The following MYO3A variants were observed in gnomAD, a reference collection of about 807,000 sequenced individuals.
MYO3A encodes myosin-IIIa.
MYO3A carries 180 observed loss-of-function variants against 192.7 expected under a neutral mutation model. The ratio of observed to expected loss-of-function variants is 0.93; its 90% confidence interval spans 0.83 to 1.06. The LOEUF (loss-of-function observed/expected upper bound fraction) is 1.06, where lower values mean the gene tolerates loss of function less well. MYO3A is among the 50% of genes least tolerant of loss of function. The pLI, the probability that MYO3A is intolerant of heterozygous loss-of-function variation, is 0.00. For synonymous variants in MYO3A, 628 were observed against 645.3 expected, an observed-to-expected ratio of 0.97 and a Z score of 0.41; for missense variants, 1,896 against 1,905.0, an observed-to-expected ratio of 1.00 and a Z score of 0.09.
intron 20 of MYO3A, among the ~76,000 whole-genome samples, chr10:26,131,322 A>T (rs535930282): frequency 2.1e-5 from 3 of 145,632 alleles, no homozygotes; most frequent in African/African-American, 7.6e-5. Flanking sequence ...CCTTCCATTA[A>T]AAAAAGATCA....
At chr10:26,189,660 T>G (rs1209693668) in intron 31 of MYO3A, among the ~76,000 whole-genome samples, 1 of 152,196 alleles carries the variant, frequency 6.6e-6, no homozygotes, top group East Asian at 1.9e-4. Context: ...CTGAAATTGC[T>G]AAGATTGTAA....
At chr10:26,012,571 C>T (rs1031650336) in intron 6 of MYO3A, among the ~76,000 whole-genome samples, 4 of 152,108 alleles carry the variant, frequency 2.6e-5, no homozygotes, top group African/African-American at 9.7e-5. Flanking sequence ...CTACAAAACA[C>T]TGCCAAAAGA....
chr10:25,964,071 A>G (rs1838110846), intron 4 of MYO3A, among the ~76,000 whole-genome samples: 1 of 152,112 alleles, frequency 6.6e-6, no homozygotes, highest in Non-Finnish European at 1.5e-5. Context: ...CTGTTATCAT[A>G]GATTTATTGT....
intron 4 of MYO3A, among the ~76,000 whole-genome samples, chr10:25,987,113 G>C (rs1839701539): frequency 6.6e-6 from 1 of 152,112 alleles, no homozygotes; most frequent in African/African-American, 2.4e-5. Context: ...AGTGGGGAAA[G>C]GATACTCTAT....
At chr10:26,173,559 C>A in intron 29 of MYO3A, 104 bp from the exon 30 acceptor site, 1 of 1,032,692 alleles carries the variant, frequency 9.7e-7, no homozygotes, top group Non-Finnish European at 1.4e-6. Flanking sequence ...TTTCTTTGTT[C>A]CTTTTGCCTT....
At chr10:25,985,019 C>A (rs1341656627) in intron 4 of MYO3A, among the ~76,000 whole-genome samples, 6 of 152,094 alleles carry the variant, frequency 3.9e-5, no homozygotes, top group African/African-American at 1.4e-4. Context: ...AGGCAGATTG[C>A]CTGAGCTCAG....
intron 1 of MYO3A, among the ~76,000 whole-genome samples, chr10:25,935,332 A>C (rs1358827410): frequency 6.6e-6 from 1 of 152,126 alleles, no homozygotes; most frequent in Non-Finnish European, 1.5e-5. Flanking sequence ...CCAGAAAAAA[A>C]ATTTTATTAT....
chr10:26,107,951 T>A (rs1365403931), intron 17 of MYO3A, among the ~76,000 whole-genome samples: 1 of 152,186 alleles, frequency 6.6e-6, no homozygotes, highest in Non-Finnish European at 1.5e-5. Flanking sequence ...TCTTTTTTTT[T>A]AAGAGAATAC....
At chr10:26,091,647 A>T (rs1430913138) in intron 15 of MYO3A, among the ~76,000 whole-genome samples, 1 of 152,236 alleles carries the variant, frequency 6.6e-6, no homozygotes. Context: ...CAATTACTCT[A>T]TGTCAGGCAC....
At chr10:26,087,262 A>G (rs1836393686) in intron 14 of MYO3A, among the ~76,000 whole-genome samples, 2 of 152,120 alleles carry the variant, frequency 1.3e-5, no homozygotes, top group South Asian at 4.1e-4. Flanking sequence ...TCCACACCTT[A>G]TTGCCTCTTT....
At chr10:26,009,322 A>G (rs562059555) in intron 6 of MYO3A, among the ~76,000 whole-genome samples, 1 of 152,202 alleles carries the variant, frequency 6.6e-6, no homozygotes, top group Non-Finnish European at 1.5e-5. Flanking sequence ...AGCATGGCAC[A>G]TGTATACATA....
chr10:26,189,019 G>A (rs1228850498), intron 31 of MYO3A, among the ~76,000 whole-genome samples: 2 of 150,408 alleles, frequency 1.3e-5, no homozygotes, highest in South Asian at 2.2e-4. Context: ...TTCCAATTCT[G>A]TGAAGAAAGT....
At chr10:26,070,755 A>G (rs1835154027) in intron 14 of MYO3A, among the ~76,000 whole-genome samples, 1 of 152,118 alleles carries the variant, frequency 6.6e-6, no homozygotes, top group Non-Finnish European at 1.5e-5. Context: ...TACATACCAT[A>G]TGTATATACT....
intron 10 of MYO3A, among the ~76,000 whole-genome samples, chr10:26,029,084 A>G (rs72789954): frequency 0.096 from 14,661 of 152,250 alleles, 799 homozygotes; most frequent in Non-Finnish European, 0.12. Flanking sequence ...ACATGCAGAA[A>G]TTTGAGAGAC....
At chr10:26,001,381 G>C (rs1364050993) in intron 6 of MYO3A, among the ~76,000 whole-genome samples, 2 of 148,918 alleles carry the variant, frequency 1.3e-5, no homozygotes, top group African/African-American at 2.6e-5. Flanking sequence ...AGAAGATAAG[G>C]GGGGTGGGTG....
At chr10:26,185,467 G>A (rs546879933) in intron 31 of MYO3A, among the ~76,000 whole-genome samples, 1 of 149,004 alleles carries the variant, frequency 6.7e-6, no homozygotes, top group Non-Finnish European at 1.5e-5. Flanking sequence ...AGCCTCCCTA[G>A]TAGCTGGGAT....
chr10:25,942,661 A>G (rs1325129734), intron 2 of MYO3A, among the ~76,000 whole-genome samples: 1 of 152,164 alleles, frequency 6.6e-6, no homozygotes, highest in Non-Finnish European at 1.5e-5. Flanking sequence ...GTGGTATTGC[A>G]TTGTGACTTT....
chr10:25,941,142 T>C (rs1034316438), intron 2 of MYO3A, among the ~76,000 whole-genome samples: 1 of 152,128 alleles, frequency 6.6e-6, no homozygotes, highest in African/African-American at 2.4e-5. Flanking sequence ...GAAAGCCAAA[T>C]AGGGGATAGT....
At chr10:26,036,817 G>C (rs1843065117) in intron 10 of MYO3A, among the ~76,000 whole-genome samples, 1 of 152,212 alleles carries the variant, frequency 6.6e-6, no homozygotes, top group Non-Finnish European at 1.5e-5. Flanking sequence ...GGCTCAGGGA[G>C]TGTTCTCTCC....
Sources: allele counts gnomAD v4.1 joint callset (sites outside exome capture counted in the v4.1 genomes callset), GRCh38; gene constraint gnomAD v4.1.1; transcripts MANE v1.5; gene names NCBI Gene and HGNC (gene_info 2026-07-23, HGNC 2026-07-21).